Variants in EPB41 observed in about 807,000 individuals in gnomAD.
The protein encoded by EPB41 is erythrocyte membrane protein band 4.1.
A neutral mutation model predicts 108.0 loss-of-function variants in EPB41; 65 were observed. The ratio of observed to expected loss-of-function variants is 0.60; its 90% CI spans 0.49 to 0.74. The LOEUF is 0.74. EPB41 is among the 30% of genes least tolerant of loss of function. The probability of loss-of-function intolerance (pLI) is 0.00; values close to 1 mark genes in which losing one functional copy is unlikely to be tolerated. For synonymous variants in EPB41, 336 were observed against 358.9 expected (o/e 0.94, Z 0.72); for missense variants, 875 against 1,037.0 (o/e 0.84, Z 2.15).
At chr1:28,895,306 T>A (rs2090551483) in intron 1 of EPB41, among the ~76,000 whole-genome samples, 1 of 152,218 alleles carries the variant, frequency 6.6e-6, no homozygotes, top group Admixed American at 6.5e-5. Flanking sequence ...GGGCTGGTTA[T>A]ATGCTATTTT....
At chr1:28,890,905 G>A in intron 1 of EPB41, 1 of 985,412 alleles carries the variant, frequency 1.0e-6, no homozygotes, top group East Asian at 1.1e-4. Context: ...GCCCTTACCT[G>A]TGGAACTGTT....
Position 29,098,010 on chromosome 1 carries a change from T to C in EPB41, c.2313+75T>C, listed in dbSNP as rs1472604594. 4 of 1,599,492 alleles carry C rather than the reference T, an allele frequency of 2.5e-6. No homozygotes were observed. In the East Asian group the frequency reaches 6.7e-5, roughly 27 times the overall value. ...TAACCTTTCTTCACAGAGTTTCTAG[T>C]CATTTATCGCCAAGAATACCAGGTT... On this transcript the variant is annotated intron_variant, in intron 17 of 20. Transcript: ENST00000343067.
At chr1:29,101,497 T>G (rs1198647941) in intron 17 of EPB41, among the ~76,000 whole-genome samples, 1 of 151,850 alleles carries the variant, frequency 6.6e-6, no homozygotes, top group African/African-American at 2.4e-5. Context: ...GATTTTGAGT[T>G]TGGTACATAA....
intron 7 of EPB41, 36 bp from the exon 8 acceptor site, chr1:29,030,364 A>G: frequency 6.6e-7 from 1 of 1,518,512 alleles, no homozygotes; most frequent in Non-Finnish European, 9.1e-7. Flanking sequence ...TGACACTATA[A>G]CACTGAAAGA....
At chr1:29,022,864 T>A (rs1290077661) in intron 7 of EPB41, among the ~76,000 whole-genome samples, 2 of 152,156 alleles carry the variant, frequency 1.3e-5, no homozygotes, top group African/African-American at 4.8e-5. Flanking sequence ...AGAATTCAGC[T>A]GTCTTCTATG....
At chr1:29,059,040 C>G (rs1170905092) in intron 14 of EPB41, among the ~76,000 whole-genome samples, 188 bp downstream of exon 14, 2 of 152,074 alleles carry the variant, frequency 1.3e-5, no homozygotes, top group Admixed American at 6.6e-5. Flanking sequence ...TTTGGGAGGC[C>G]GAGGCAGGAG....
intron 5 of EPB41, among the ~76,000 whole-genome samples, chr1:29,013,754 C>A: frequency 6.6e-6 from 1 of 151,466 alleles, no homozygotes; most frequent in Non-Finnish European, 1.5e-5. Flanking sequence ...GTTTGGAACC[C>A]CTGACCTCGG....
chr1:29,085,758 C>T (rs1373152898), intron 16 of EPB41, among the ~76,000 whole-genome samples: 1 of 151,914 alleles, frequency 6.6e-6, no homozygotes. Context: ...TGCCATATTG[C>T]CCAGGCTGGT....
chr1:28,920,457 C>A lies in EPB41; in HGVS notation c.-8+5689C>A, dbSNP rs185409869. Among the ~76,000 whole-genome samples, 80 of 152,246 alleles carry A rather than the reference C, an allele frequency of 5.3e-4. 2 individuals carry two copies. The East Asian group carries it at 0.013, about 26-fold the overall frequency. Reference sequence around the variant, plus strand: ...TATATGTTTGAATCATAGCACCGGACACAACATAGACTGAGGTTTTGGTAC... The same window carrying A: ...TATATGTTTGAATCATAGCACCGGAAACAACATAGACTGAGGTTTTGGTAC... On this transcript the variant is annotated intron_variant, in intron 1 of 20. Coordinates refer to ENST00000343067, the MANE Select transcript of EPB41 (RefSeq NM_001376013.1).
In EPB41 at chr1:29,109,449, G is replaced by A; in HGVS notation, c.2415+12G>A. On this transcript the variant is annotated intron_variant, in intron 18 of 20. Transcript: ENST00000343067. The stretch of plus-strand genomic sequence containing the variant: ...CTCAAATTACCAAGGTAACAGACCA[G>A]CTAGAACCTCTTTATGGAACCCAGG... 6.2e-7 allele frequency: 1 copy of A among 1,610,936 alleles called. No individual in the cohort carries two copies.
At chr1:29,028,194 C>G (rs777789524) in intron 7 of EPB41, among the ~76,000 whole-genome samples, 1 of 152,166 alleles carries the variant, frequency 6.6e-6, no homozygotes, top group Admixed American at 6.5e-5. Context: ...AAATTTAAAT[C>G]TGTATTCAAA....
At chr1:29,106,836 G>A (rs971479544) in intron 17 of EPB41, among the ~76,000 whole-genome samples, 3 of 150,938 alleles carry the variant, frequency 2.0e-5, no homozygotes, top group African/African-American at 7.3e-5. Flanking sequence ...CTCCCAAAGT[G>A]CTGGGACTAC....
intron 17 of EPB41, among the ~76,000 whole-genome samples, chr1:29,105,312 A>C (rs1304515658): frequency 6.6e-6 from 1 of 152,118 alleles, no homozygotes; most frequent in Non-Finnish European, 1.5e-5. Flanking sequence ...ATCTCAGCTC[A>C]CTGCAACCTC....
chr1:28,888,400 A>C (rs1218594066), intron 1 of EPB41, among the ~76,000 whole-genome samples: 2 of 152,120 alleles, frequency 1.3e-5, no homozygotes, highest in Non-Finnish European at 2.9e-5. Flanking sequence ...TCAGGCCTGG[A>C]GGATGGTCTT....
At chr1:29,081,732 G>T (rs1040583533) in intron 16 of EPB41, among the ~76,000 whole-genome samples, 1 of 151,848 alleles carries the variant, frequency 6.6e-6, no homozygotes, top group Admixed American at 6.6e-5. Flanking sequence ...CTACTCGGGA[G>T]GCTCAGGCAG....
chr1:28,953,057 A>C (rs1161092894), intron 1 of EPB41, among the ~76,000 whole-genome samples: 1 of 145,780 alleles, frequency 6.9e-6, no homozygotes, highest in East Asian at 2.2e-4. Flanking sequence ...TCAAATTTCT[A>C]GTTGTCTCAA....
intron 17 of EPB41, 149 bp downstream of exon 17, chr1:29,098,084 C>CA: frequency 8.3e-7 from 1 of 1,207,960 alleles, no homozygotes; most frequent in South Asian, 1.3e-5. Context: ...AAGAAGGTCC[C>CA]AGACTACTTT....
At chr1:29,056,233 C>CAAA (rs1388048465) in intron 12 of EPB41, among the ~76,000 whole-genome samples, 1 of 56,490 alleles carries the variant, frequency 1.8e-5, no homozygotes, top group Non-Finnish European at 3.9e-5. Flanking sequence ...GACTCCGTCT[C>CAAA]AAAAAAAAAA....
chr1:29,091,862 C>T (rs1661308773), intron 16 of EPB41, among the ~76,000 whole-genome samples: 1 of 152,092 alleles, frequency 6.6e-6, no homozygotes, highest in Admixed American at 6.6e-5. Context: ...TTTTGAGTTG[C>T]ATGTTTCAAA....
Sources: allele counts gnomAD v4.1 joint callset (sites outside exome capture counted in the v4.1 genomes callset), GRCh38; gene constraint gnomAD v4.1.1; transcripts MANE v1.5; gene names NCBI Gene and HGNC (gene_info 2026-07-23, HGNC 2026-07-21).